WDR17: variants seen among roughly 807,000 people sequenced by gnomAD.
The protein encoded by WDR17 is WD repeat-containing protein 17.
In WDR17, 143 loss-of-function variants were observed where a neutral mutation model predicts 161.7. The observed-to-expected ratio is 0.88, with a 90% CI of 0.77 to 1.02. The LOEUF is 1.02. Among genes scored for constraint, WDR17 ranks in the 50% least tolerant of loss-of-function variants. The probability of loss-of-function intolerance (pLI) is 0.00; values close to 1 mark genes in which losing one functional copy is unlikely to be tolerated. For missense variants in WDR17, 1,469 were observed against 1,520.9 expected, an observed-to-expected ratio of 0.97 and a Z score of 0.57; for synonymous variants, 517 against 515.6, an observed-to-expected ratio of 1.00 and a Z score of -0.04.
intron 23 of WDR17, among the ~76,000 whole-genome samples, chr4:176,170,607 G>A (rs573435083): frequency 6.2e-4 from 95 of 152,188 alleles, no homozygotes; most frequent in African/African-American, 2.0e-3. Context: ...GAGCCACCAC[G>A]CCTGGCCAAA....
rs1014393750 is a variant in WDR17 at position 176,148,158 on chromosome 4, C to T, written c.1720C>T (p.Gln574Ter). 1.9e-6 allele frequency: 3 copies of T among 1,613,908 alleles called. No individual in the cohort carries two copies. Among genetic ancestry groups the T allele is most frequent in the Non-Finnish European group, 2.5e-6 (3 of 1,179,924 alleles). ...TACCGTTCGAATCTGGGATTATACT[C>T]AGGATGCTTGCATCAATATTCTTAA... ...DGTVRIWDYT[Q>*]DACINILNGH... Residue 574 changes from glutamine (Q) to a stop codon, truncating the protein, a stop_gained, in exon 13 of 29, where the codon CAG (glutamine) becomes TAG (stop). Coordinates refer to ENST00000508596, the MANE Select transcript of WDR17 (RefSeq NM_181265.4). LOFTEE classifies it high-confidence loss of function.
intron 1 of WDR17, among the ~76,000 whole-genome samples, chr4:176,094,052 G>C (rs770803282): frequency 6.6e-6 from 1 of 152,050 alleles, no homozygotes; most frequent in Non-Finnish European, 1.5e-5. Context: ...CTAACTTGGT[G>C]ATGGCATGAT....
chr4:176,155,897 T>A (rs1748048936), intron 17 of WDR17, among the ~76,000 whole-genome samples, 182 bp from the exon 18 acceptor site: 1 of 151,680 alleles, frequency 6.6e-6, no homozygotes, highest in African/African-American at 2.4e-5. Flanking sequence ...AAATTAGTGC[T>A]CTTTAAAGAT....
chr4:176,079,425 A>G (rs1166695955), intron 1 of WDR17, among the ~76,000 whole-genome samples: 3 of 152,176 alleles, frequency 2.0e-5, no homozygotes, highest in Non-Finnish European at 4.4e-5. Context: ...TAAGAAATGT[A>G]TTAGAATTGG....
chr4:176,118,886 G>A (rs562640039), intron 3 of WDR17, among the ~76,000 whole-genome samples: 57 of 152,052 alleles, frequency 3.7e-4, no homozygotes, highest in Non-Finnish European at 7.1e-4. Flanking sequence ...GCATGAACCC[G>A]GGAGGCGGAG....
intron 2 of WDR17, among the ~76,000 whole-genome samples, chr4:176,113,726 C>T (rs1434480310): frequency 6.6e-6 from 1 of 151,892 alleles, no homozygotes. Flanking sequence ...TTAAATAACA[C>T]TTAGTGCCAA....
In WDR17 at chr4:176,152,294, C is replaced by CAAAAAAAAAAAAAAAAAAAAA. The variant is rs397837505; in HGVS notation, c.2460+347_2460+348insAAAAAAAAAAAAAAAAAAAAA. 9.4e-4 allele frequency among the ~76,000 whole-genome samples: 68 copies of CAAAAAAAAAAAAAAAAAAAAA among 72,132 alleles called. 3 individuals carry two copies. Among genetic ancestry groups the CAAAAAAAAAAAAAAAAAAAAA allele is most frequent in the Middle Eastern group, 9.8e-3 (1 of 102 alleles). The allele number at this position is 72,132 out of a possible 152,430, so 47.3% of individuals were successfully genotyped here. The stretch of plus-strand genomic sequence containing the variant: ...TGGGCTACAGAAAGAGACCCTATCT[C>CAAAAAAAAAAAAAAAAAAAAA]AAAAAAAAAAAAAAAAAAAAGCCTG... On this transcript the variant is annotated intron_variant, in intron 17 of 28. Coordinates refer to ENST00000508596, the MANE Select transcript of WDR17 (RefSeq NM_181265.4).
At chr4:176,124,127 T>C (rs1433622751) in intron 4 of WDR17, among the ~76,000 whole-genome samples, 6 of 152,228 alleles carry the variant, frequency 3.9e-5, no homozygotes, top group Non-Finnish European at 8.8e-5. Flanking sequence ...AGTTGTATTA[T>C]CTTTCAATTG....
chr4:176,147,622 T>C (rs1278670920), intron 12 of WDR17, among the ~76,000 whole-genome samples: 5 of 152,220 alleles, frequency 3.3e-5, no homozygotes, highest in Admixed American at 3.3e-4. Flanking sequence ...ATTAAATTAC[T>C]GTATCTGTAT....
intron 24 of WDR17, among the ~76,000 whole-genome samples, 174 bp downstream of exon 24, chr4:176,172,690 G>A (rs538447357): frequency 1.5e-4 from 23 of 152,314 alleles, no homozygotes; most frequent in Admixed American, 1.4e-3. Flanking sequence ...TGTACCGGAA[G>A]CATGGCACTG....
At chr4:176,166,852 G>A (rs1370792248) in intron 22 of WDR17, among the ~76,000 whole-genome samples, 4 of 152,068 alleles carry the variant, frequency 2.6e-5, no homozygotes, top group African/African-American at 7.2e-5. Flanking sequence ...AAGATATTAT[G>A]TGTAATTTTT....
intron 1 of WDR17, among the ~76,000 whole-genome samples, chr4:176,093,042 A>C (rs1211455187): frequency 6.6e-6 from 1 of 152,178 alleles, no homozygotes; most frequent in African/African-American, 2.4e-5. Context: ...ACTGTGTCTC[A>C]AAATAAAAAA....
chr4:176,082,804 G>T (rs575683033), intron 1 of WDR17, among the ~76,000 whole-genome samples: 1 of 143,676 alleles, frequency 7.0e-6, no homozygotes, highest in South Asian at 2.3e-4. Flanking sequence ...CTTTTCATGG[G>T]ATTTTTTAAT....
intron 2 of WDR17, among the ~76,000 whole-genome samples, chr4:176,111,912 A>T (rs924166966): frequency 6.6e-5 from 10 of 152,188 alleles, no homozygotes; most frequent in African/African-American, 2.2e-4. Flanking sequence ...AGTAAATTTG[A>T]TATAAGAAAA....
chr4:176,107,354 G>C (rs1020886475), intron 1 of WDR17, among the ~76,000 whole-genome samples: 2 of 150,830 alleles, frequency 1.3e-5, no homozygotes, highest in African/African-American at 4.9e-5. Context: ...TGGAATTGCT[G>C]CTGTGGAAAA....
intron 1 of WDR17, among the ~76,000 whole-genome samples, chr4:176,067,144 A>G (rs1449965133): frequency 6.6e-6 from 1 of 152,174 alleles, no homozygotes; most frequent in Admixed American, 6.5e-5. Context: ...ATTCTGCCTC[A>G]CTGGCCTAAG....
intron 25 of WDR17, among the ~76,000 whole-genome samples, chr4:176,173,935 C>T (rs1420447123): frequency 6.6e-6 from 1 of 151,154 alleles, no homozygotes; most frequent in Non-Finnish European, 1.5e-5. Flanking sequence ...CACACATGCA[C>T]ACCTGGTTTA....
chr4:176,090,141 G>C (rs1390647922), intron 1 of WDR17, among the ~76,000 whole-genome samples: 2 of 151,882 alleles, frequency 1.3e-5, no homozygotes, highest in African/African-American at 4.8e-5. Flanking sequence ...GTTGCAGTTA[G>C]GGTATAGTGA....
intron 1 of WDR17, among the ~76,000 whole-genome samples, chr4:176,086,803 C>A (rs1291184306): frequency 6.6e-6 from 1 of 151,532 alleles, no homozygotes; most frequent in Admixed American, 6.6e-5. Context: ...TTTATATATA[C>A]AAACTTTTTC....
Sources: allele counts gnomAD v4.1 joint callset (sites outside exome capture counted in the v4.1 genomes callset), GRCh38; gene constraint gnomAD v4.1.1; transcripts MANE v1.5; gene names NCBI Gene and HGNC (gene_info 2026-07-23, HGNC 2026-07-21).